UAP1: variants seen among roughly 807,000 people sequenced by gnomAD.
UAP1 encodes UDP-N-acetylhexosamine pyrophosphorylase.
A neutral mutation model predicts 58.5 loss-of-function variants in UAP1; 25 were observed. The ratio of observed to expected loss-of-function variants is 0.43; its 90% CI spans 0.31 to 0.60. The LOEUF (loss-of-function observed/expected upper bound fraction) is 0.60. Among genes scored for constraint, UAP1 ranks in the 20% least tolerant of loss-of-function variants. The pLI is 0.11. For synonymous variants in UAP1, 208 were observed against 213.0 expected (o/e 0.98, Z 0.21); for missense variants, 575 against 630.0 (o/e 0.91, Z 0.93).
chr1:162,571,666 G>A (rs1239766423), intron 2 of UAP1, among the ~76,000 whole-genome samples: 1 of 152,114 alleles, frequency 6.6e-6, no homozygotes, highest in African/African-American at 2.4e-5. Flanking sequence ...GTGCTGTGCT[G>A]CCCATATAAA....
chr1:162,597,857 A>G, exon 10 of UAP1: 1 of 1,610,876 alleles, frequency 6.2e-7, no homozygotes, highest in Non-Finnish European at 8.5e-7. Context: ...TATGCTGGAG[A>G]AGTAAGTCTG....
intron 1 of UAP1, among the ~76,000 whole-genome samples, chr1:162,562,070 A>T (rs545775922): frequency 9.0e-4 from 137 of 152,212 alleles, no homozygotes; most frequent in African/African-American, 3.2e-3. Flanking sequence ...CGCGCCCCAG[A>T]TGGACTGGGG....
intron 2 of UAP1, among the ~76,000 whole-genome samples, chr1:162,572,017 G>A (rs942235735): frequency 9.9e-5 from 15 of 152,188 alleles, no homozygotes; most frequent in African/African-American, 3.6e-4. Flanking sequence ...TTAATGAAAA[G>A]CCTTTTTATT....
intron 9 of UAP1, among the ~76,000 whole-genome samples, chr1:162,596,354 TA>T (rs1412629811): frequency 2.0e-5 from 3 of 151,836 alleles, no homozygotes; most frequent in Admixed American, 6.6e-5. Flanking sequence ...TTTGTATTTT[TA>T]TTAGAGACAG....
chr1:162,571,362 T>G (rs12129071), intron 2 of UAP1, among the ~76,000 whole-genome samples: 66,392 of 151,876 alleles, frequency 0.44, 16,075 homozygotes, highest in Non-Finnish European at 0.54. Context: ...ACTCCTGACC[T>G]CAAGTGATTT....
chr1:162,578,695 C>A (rs1275783828), intron 3 of UAP1, among the ~76,000 whole-genome samples: 1 of 152,166 alleles, frequency 6.6e-6, no homozygotes, highest in Non-Finnish European at 1.5e-5. Flanking sequence ...ACCTAAAGTT[C>A]AAAATATCCA....
At chr1:162,600,454 A>C (rs1329390286), downstream of UAP1, among the ~76,000 whole-genome samples, 4 of 152,190 alleles carry the variant, frequency 2.6e-5, no homozygotes, top group Non-Finnish European at 5.9e-5. Context: ...TGCTGTTTGC[A>C]TGAAAAGACT....
intron 2 of UAP1, among the ~76,000 whole-genome samples, chr1:162,571,045 C>G (rs1452992049): frequency 6.6e-6 from 1 of 151,564 alleles, no homozygotes; most frequent in African/African-American, 2.4e-5. Flanking sequence ...GCATGACTCT[C>G]CAAGGAGAGA....
intron 10 of UAP1, 40 bp downstream of exon 10, chr1:162,597,898 C>A: frequency 6.6e-7 from 1 of 1,524,574 alleles, no homozygotes; most frequent in Non-Finnish European, 9.0e-7. Context: ...TTTTACAAAG[C>A]TTTGTATATT....
intron 8 of UAP1, among the ~76,000 whole-genome samples, chr1:162,592,200 G>C (rs963612146): frequency 3.9e-5 from 6 of 152,132 alleles, no homozygotes; most frequent in Non-Finnish European, 5.9e-5. Context: ...AGACCAGCCT[G>C]GCCAACATGG....
intron 1 of UAP1, among the ~76,000 whole-genome samples, chr1:162,564,833 C>A (rs1434854262): frequency 6.6e-6 from 1 of 152,104 alleles, no homozygotes; most frequent in Admixed American, 6.6e-5. Flanking sequence ...GCTTTCCATC[C>A]CACACGTGCT....
chr1:162,581,374 A>G (rs763616714), exon 5 of UAP1: 3 of 1,614,112 alleles, frequency 1.9e-6, no homozygotes, highest in Admixed American at 1.7e-5. Context: ...ATTCATGTCT[A>G]TTGTGTTGAC....
intron 6 of UAP1, chr1:162,587,876 C>A: frequency 2.1e-6 from 1 of 483,016 alleles, no homozygotes; most frequent in South Asian, 4.7e-5. Context: ...CATTCCCCAG[C>A]GCATTAATGG....
chr1:162,600,042 C>CAAAGGGTGCCTCCACCA (rs1266369317), downstream of UAP1, among the ~76,000 whole-genome samples: 22 of 152,120 alleles, frequency 1.4e-4, no homozygotes, highest in African/African-American at 4.6e-4. Context: ...GTCCTCCACC[C>CAAAGGGTGCCTCCACCA]AAAGGGGCAT....
chr1:162,595,642 T>C (rs569133533), intron 9 of UAP1, among the ~76,000 whole-genome samples: 2 of 152,288 alleles, frequency 1.3e-5, no homozygotes, highest in East Asian at 3.9e-4. Flanking sequence ...GGTTTATAGG[T>C]GCTATTAGTA....
exon 11 of UAP1, chr1:162,599,347 T>C: frequency 6.2e-7 from 1 of 1,610,600 alleles, no homozygotes; most frequent in Non-Finnish European, 8.5e-7. Flanking sequence ...CATGAGCTGG[T>C]GAAAAATGGT....
chr1:162,588,897 T>G, intron 7 of UAP1, 64 bp downstream of exon 7: 3 of 1,496,282 alleles, frequency 2.0e-6, no homozygotes, highest in Non-Finnish European at 2.7e-6. Context: ...TTCACTCTCT[T>G]AGGCATGAAA....
At chr1:162,577,435 CTTTTTTTTTTTTTTTTTTT>C (rs67627704) in intron 3 of UAP1, among the ~76,000 whole-genome samples, 1 of 95,212 alleles carries the variant, frequency 1.1e-5, no homozygotes, top group South Asian at 3.8e-4. Context: ...AGTTCCTTCC[CTTTTTTTTTTTTTTTTTTT>C]TTTTTTTTTT....
At chr1:162,588,668 T>C (rs2101815918) in intron 6 of UAP1, 25 bp from the exon 7 acceptor site, 1 of 1,589,932 alleles carries the variant, frequency 6.3e-7, no homozygotes, top group South Asian at 1.2e-5. Flanking sequence ...AACGTGATTA[T>C]ATCTTTTCTC....
Sources: allele counts gnomAD v4.1 joint callset (sites outside exome capture counted in the v4.1 genomes callset), GRCh38; gene constraint gnomAD v4.1.1; transcripts MANE v1.5; gene names NCBI Gene and HGNC (gene_info 2026-07-23, HGNC 2026-07-21).